ZFPM2: variants seen among roughly 807,000 people sequenced by gnomAD.
ZFPM2 encodes the protein zinc finger protein, FOG family member 2.
Under a neutral mutation model 98.6 loss-of-function variants are expected in ZFPM2, and 20 were observed. That is an observed-to-expected ratio of 0.20 (90% CI 0.14 to 0.29). The LOEUF is 0.29. ZFPM2 is among the 10% of genes least tolerant of loss of function. ZFPM2 has a pLI of 1.00. For missense variants in ZFPM2, 1,310 were observed against 1,388.6 expected (o/e 0.94, Z 0.90); for synonymous variants, 518 against 502.7 (o/e 1.03, Z -0.41).
chr8:105,483,212 A>G (rs563070370), intron 3 of ZFPM2, among the ~76,000 whole-genome samples: 2 of 152,032 alleles, frequency 1.3e-5, no homozygotes, highest in Non-Finnish European at 2.9e-5. Flanking sequence ...TGTTCTCTTA[A>G]TAATAAATTC....
intron 4 of ZFPM2, among the ~76,000 whole-genome samples, chr8:105,615,985 C>T (rs1159051686): frequency 6.6e-6 from 1 of 151,894 alleles, no homozygotes; most frequent in Non-Finnish European, 1.5e-5. Flanking sequence ...ACAAATGAGG[C>T]AACATACAAA....
At chr8:105,355,439 A>T (rs1171890114) in intron 1 of ZFPM2, among the ~76,000 whole-genome samples, 1 of 152,090 alleles carries the variant, frequency 6.6e-6, no homozygotes, top group Non-Finnish European at 1.5e-5. Flanking sequence ...GTTCTTTTAA[A>T]TTCTAGAAAA....
At chr8:105,442,505 T>C (rs566033711) in intron 2 of ZFPM2, among the ~76,000 whole-genome samples, 15 of 152,340 alleles carry the variant, frequency 9.8e-5, no homozygotes, top group Admixed American at 8.5e-4. Context: ...TTAAACATAG[T>C]AGATGCTCAA....
At chr8:105,331,536 T>A (rs1283564763) in intron 1 of ZFPM2, among the ~76,000 whole-genome samples, 1 of 151,750 alleles carries the variant, frequency 6.6e-6, no homozygotes, top group African/African-American at 2.4e-5. Context: ...ATCTCTTATG[T>A]ATTACAGGAG....
chr8:105,541,369 C>A (rs977897094), intron 3 of ZFPM2, among the ~76,000 whole-genome samples: 3 of 152,152 alleles, frequency 2.0e-5, no homozygotes, highest in African/African-American at 7.2e-5. Context: ...GGAATTCAGA[C>A]CCATCTCCAT....
At chr8:105,695,563 T>G (rs969844875) in intron 5 of ZFPM2, among the ~76,000 whole-genome samples, 1 of 152,010 alleles carries the variant, frequency 6.6e-6, no homozygotes, top group African/African-American at 2.4e-5. Flanking sequence ...ATTATTAGAG[T>G]TGGATTTCTG....
chr8:105,746,790 G>C (rs531711785), intron 5 of ZFPM2, among the ~76,000 whole-genome samples: 3 of 151,256 alleles, frequency 2.0e-5, no homozygotes, highest in Non-Finnish European at 4.4e-5. Context: ...TGTTAAGGCC[G>C]ATGCGGTTTT....
chr8:105,352,594 T>G (rs1812669831), intron 1 of ZFPM2, among the ~76,000 whole-genome samples: 1 of 152,068 alleles, frequency 6.6e-6, no homozygotes, highest in Admixed American at 6.5e-5. Context: ...ACCGTTTTTT[T>G]TTTTTTACCT....
intron 1 of ZFPM2, among the ~76,000 whole-genome samples, chr8:105,359,364 TTTC>T (rs1208086744): frequency 1.7e-5 from 2 of 119,094 alleles, no homozygotes; most frequent in Non-Finnish European, 3.9e-5. Flanking sequence ...TTTCTTTTTC[TTTC>T]TTTTTTTTTT....
chr8:105,537,133 A>G (rs1691598755), intron 3 of ZFPM2, among the ~76,000 whole-genome samples: 1 of 152,158 alleles, frequency 6.6e-6, no homozygotes, highest in South Asian at 2.1e-4. Flanking sequence ...ATTTTTTAAG[A>G]CTATAAAGCA....
chr8:105,585,378 A>G (rs1310525719), intron 4 of ZFPM2, among the ~76,000 whole-genome samples: 2 of 152,136 alleles, frequency 1.3e-5, no homozygotes, highest in Non-Finnish European at 2.9e-5. Flanking sequence ...TTCCTCTCTG[A>G]GGGTCTAGAT....
chr8:105,704,311 A>C (rs1811208096), intron 5 of ZFPM2, among the ~76,000 whole-genome samples: 1 of 152,238 alleles, frequency 6.6e-6, no homozygotes, highest in African/African-American at 2.4e-5. Context: ...TATCTGTTCT[A>C]AATCCTGAAT....
At chr8:105,612,346 G>C (rs1816324265) in intron 4 of ZFPM2, among the ~76,000 whole-genome samples, 1 of 151,412 alleles carries the variant, frequency 6.6e-6, no homozygotes, top group Admixed American at 6.6e-5. Flanking sequence ...GTTATATTAG[G>C]ATATTAGGAT....
chr8:105,537,196 GA>G (rs1183388247), intron 3 of ZFPM2, among the ~76,000 whole-genome samples: 3 of 147,934 alleles, frequency 2.0e-5, no homozygotes, highest in Non-Finnish European at 4.6e-5. Flanking sequence ...GATTAATTCA[GA>G]TTTTTTTTTT....
intron 5 of ZFPM2, among the ~76,000 whole-genome samples, chr8:105,756,518 G>A: frequency 6.6e-6 from 1 of 152,122 alleles, no homozygotes; most frequent in East Asian, 1.9e-4. Context: ...CTATAATAAA[G>A]TAGGAACAAT....
chr8:105,723,503 G>A (rs574253162), intron 5 of ZFPM2, among the ~76,000 whole-genome samples: 14 of 151,912 alleles, frequency 9.2e-5, no homozygotes, highest in African/African-American at 3.4e-4. Context: ...GATCCGGGTG[G>A]CCAGGGACAT....
intron 5 of ZFPM2, among the ~76,000 whole-genome samples, chr8:105,684,237 A>G (rs1810682238): frequency 6.6e-6 from 1 of 152,152 alleles, no homozygotes; most frequent in South Asian, 2.1e-4. Flanking sequence ...TTAATTTGTT[A>G]TATACGTCCC....
At chr8:105,622,296 G>C (rs1034086520) in intron 4 of ZFPM2, among the ~76,000 whole-genome samples, 1 of 152,034 alleles carries the variant, frequency 6.6e-6, no homozygotes, top group African/African-American at 2.4e-5. Context: ...CATACGCATT[G>C]ATGCTTTTAT....
intron 5 of ZFPM2, among the ~76,000 whole-genome samples, chr8:105,677,757 A>C (rs1271436587): frequency 6.6e-6 from 1 of 152,158 alleles, no homozygotes; most frequent in African/African-American, 2.4e-5. Flanking sequence ...AACTTCTAGG[A>C]GATTCCTCTT....
Sources: allele counts gnomAD v4.1 joint callset (sites outside exome capture counted in the v4.1 genomes callset), GRCh38; gene constraint gnomAD v4.1.1; transcripts MANE v1.5; gene names NCBI Gene and HGNC (gene_info 2026-07-23, HGNC 2026-07-21).